Variants in CNOT4 observed in about 807,000 individuals in gnomAD.
CNOT4 encodes the protein CCR4-associated factor 4.
In CNOT4, 8 loss-of-function variants were observed where a neutral mutation model predicts 73.8. That is an observed-to-expected ratio of 0.11 (90% CI 0.06 to 0.20). The LOEUF (loss-of-function observed/expected upper bound fraction) is 0.20. CNOT4 is among the 10% of genes least tolerant of loss of function. CNOT4 has a pLI of 1.00. For missense variants in CNOT4, 564 were observed against 883.4 expected, an observed-to-expected ratio of 0.64 and a Z score of 4.58; for synonymous variants, 293 against 321.1, an observed-to-expected ratio of 0.91 and a Z score of 0.94.
At chr7:135,458,054 T>C (rs2129486184) in intron 1 of CNOT4, among the ~76,000 whole-genome samples, 2 of 152,236 alleles carry the variant, frequency 1.3e-5, no homozygotes, top group Middle Eastern at 6.8e-3. Flanking sequence ...TAAACAACAT[T>C]GTAACAAACA....
At position 135,490,419 on chromosome 7, in the gene CNOT4, G is replaced by C. The variant is rs531485546; in HGVS notation, c.-93+19470C>G. On this transcript the variant is annotated intron_variant, in intron 1 of 11. Transcript: ENST00000541284. ...TTGGCAGAGGTTGGAGGAAAACAAG[G>C]GTGCTGCTAAAGGAGGTAATAATGA... is the stretch of plus-strand genomic sequence containing the variant. Among the ~76,000 whole-genome samples, 21 of 152,278 alleles carry C rather than the reference G, an allele frequency of 1.4e-4. 1 individual carries two copies. Among genetic ancestry groups the C allele is most frequent in the Admixed American group, 9.2e-4 (14 of 15,286 alleles).
At chr7:135,380,661 AGAG>A (rs1044724742) in intron 10 of CNOT4, among the ~76,000 whole-genome samples, 1 of 152,246 alleles carries the variant, frequency 6.6e-6, no homozygotes, top group Admixed American at 6.5e-5. Context: ...AATAATGTTT[AGAG>A]GAGACAGATT....
intron 10 of CNOT4, among the ~76,000 whole-genome samples, chr7:135,385,847 T>C (rs1365873146): frequency 2.0e-5 from 3 of 152,218 alleles, no homozygotes; most frequent in Admixed American, 1.3e-4. Context: ...TCCTTGATGA[T>C]AGGGTCTGTA....
intron 1 of CNOT4, among the ~76,000 whole-genome samples, chr7:135,485,454 T>TGAAAACAAAA (rs1802657459): frequency 6.6e-6 from 1 of 152,078 alleles, no homozygotes; most frequent in African/African-American, 2.4e-5. Flanking sequence ...AGCAGTTTTG[T>TGAAAACAAAA]GAAAACAAAA....
At chr7:135,387,554 C>G (rs1006396890) in intron 10 of CNOT4, 27 of 915,458 alleles carry the variant, frequency 2.9e-5, no homozygotes, top group Admixed American at 1.3e-4. Flanking sequence ...CCCTTTCATA[C>G]TTTTTTTTTT....
intron 6 of CNOT4, 126 bp downstream of exon 6, chr7:135,413,362 T>C: frequency 9.2e-7 from 1 of 1,086,294 alleles, no homozygotes; most frequent in Non-Finnish European, 1.3e-6. Context: ...ATTTGGCAAA[T>C]GCTACTTTAA....
At position 135,421,255 on chromosome 7, in the gene CNOT4, C is replaced by T. The variant is rs1004323383; in HGVS notation, c.372+901G>A. On this transcript the variant is annotated intron_variant, in intron 3 of 11. Coordinates refer to ENST00000541284, the MANE Select transcript of CNOT4 (RefSeq NM_001190850.2). Reference sequence around the variant, plus strand: ...CTTCTGGGGCCTTTAACACGCTCAGCCAATTCCCAAGGTTCCTATCTCCTT... The same window carrying T: ...CTTCTGGGGCCTTTAACACGCTCAGTCAATTCCCAAGGTTCCTATCTCCTT... Among the ~76,000 whole-genome samples the T allele has an allele frequency of 5.9e-5, 9 of 152,116 alleles. No homozygotes were observed. In the South Asian group the frequency reaches 1.5e-3, roughly 25 times the overall value.
intron 1 of CNOT4, among the ~76,000 whole-genome samples, chr7:135,441,020 A>C (rs911477901): frequency 1.3e-5 from 2 of 152,246 alleles, no homozygotes; most frequent in African/African-American, 4.8e-5. Context: ...GTTGATCAGA[A>C]TGTCTATTCT....
At chr7:135,444,831 G>A in intron 1 of CNOT4, 2 of 1,606,552 alleles carry the variant, frequency 1.2e-6, no homozygotes, top group Non-Finnish European at 1.7e-6. Flanking sequence ...TGCCAAGGCA[G>A]GGCTTTTGGC....
intron 1 of CNOT4, among the ~76,000 whole-genome samples, chr7:135,440,841 C>T (rs1047089442): frequency 1.3e-5 from 2 of 151,930 alleles, no homozygotes; most frequent in Non-Finnish European, 2.9e-5. Flanking sequence ...ACTGCTTGAA[C>T]CCAGGAGGCG....
At chr7:135,444,419 T>C in intron 1 of CNOT4, 1 of 743,122 alleles carries the variant, frequency 1.3e-6, no homozygotes, top group South Asian at 1.4e-5. Flanking sequence ...TACCATGGAA[T>C]ATTAGAATAT....
chr7:135,383,335 C>G (rs1028647956), intron 10 of CNOT4, among the ~76,000 whole-genome samples: 8 of 151,782 alleles, frequency 5.3e-5, no homozygotes, highest in African/African-American at 1.9e-4. Context: ...CTGTCTAAAT[C>G]TTTCACATCA....
chr7:135,424,060 C>A (rs918767575), intron 2 of CNOT4, among the ~76,000 whole-genome samples: 1 of 147,324 alleles, frequency 6.8e-6, no homozygotes. Context: ...CACACACACA[C>A]ACACACACAC....
chr7:135,443,462 G>C (rs1043537813), intron 1 of CNOT4, among the ~76,000 whole-genome samples: 2 of 151,952 alleles, frequency 1.3e-5, no homozygotes, highest in Non-Finnish European at 2.9e-5. Flanking sequence ...GAGTGTTAAA[G>C]ATACAATTCA....
intron 1 of CNOT4, 86 bp downstream of exon 1, chr7:135,509,803 G>A: frequency 2.7e-6 from 1 of 377,192 alleles, no homozygotes. Context: ...AGGGGGGTGC[G>A]GCCTGTACAG....
intron 1 of CNOT4, among the ~76,000 whole-genome samples, chr7:135,490,551 AAT>A (rs139170874): frequency 0.05 from 7,675 of 152,242 alleles, 660 homozygotes; most frequent in African/African-American, 0.17. Context: ...CTCAGGAACA[AAT>A]ATGTCTTTTC....
rs377083730 is a variant in CNOT4, at chr7:135,395,598, G to C, written c.1129+36C>G. The C allele has an allele frequency of 5.0e-6, 8 of 1,588,734 alleles. No homozygotes were observed. In the African/African-American group the frequency reaches 1.1e-4, roughly 21 times the overall value. On this transcript the variant is annotated intron_variant, in intron 9 of 11. Transcript: ENST00000541284. ...TTAGTCTGTCAACAATACGTTAAGA[G>C]CATAATTACTAATACTTGGTACTAT... is the stretch of plus-strand genomic sequence containing the variant.
At chr7:135,401,950 C>G (rs371901463) in intron 7 of CNOT4, among the ~76,000 whole-genome samples, 12 of 152,222 alleles carry the variant, frequency 7.9e-5, no homozygotes, top group African/African-American at 2.7e-4. Context: ...GTAATCTGGT[C>G]TCCTAACACA....
intron 10 of CNOT4, chr7:135,387,473 C>T (rs1382052178): frequency 6.1e-6 from 6 of 980,898 alleles, no homozygotes; most frequent in Non-Finnish European, 7.3e-6. Flanking sequence ...ACATTAAGTA[C>T]CATCTCCTAA....
Sources: allele counts gnomAD v4.1 joint callset (sites outside exome capture counted in the v4.1 genomes callset), GRCh38; gene constraint gnomAD v4.1.1; transcripts MANE v1.5; gene names NCBI Gene and HGNC (gene_info 2026-07-23, HGNC 2026-07-21).